The following GHRL variants were observed in gnomAD, a reference collection of about 807,000 sequenced individuals.
The protein encoded by GHRL is appetite-regulating hormone.
In GHRL, 24 loss-of-function variants were observed where a neutral mutation model predicts 16.9. The observed-to-expected ratio is 1.42, with a 90% CI of 1.03 to 2.00. The LOEUF (loss-of-function observed/expected upper bound fraction) is 2.00, where lower values mean the gene tolerates loss of function less well. Among genes scored for constraint, GHRL ranks in the 30% most tolerant of loss-of-function variants. The pLI is 0.00. For missense variants in GHRL, 193 were observed against 142.1 expected (o/e 1.36, Z -1.82); for synonymous variants, 63 against 58.2 (o/e 1.08, Z -0.37).
At chr3:10,286,383 G>T (rs891349561) in intron 5 of GHRL, among the ~76,000 whole-genome samples, 1 of 152,184 alleles carries the variant, frequency 6.6e-6, no homozygotes, top group Non-Finnish European at 1.5e-5. Context: ...AGTGAAGACG[G>T]TGTAACACCA....
chr3:10,285,933 C>T (rs374584866), intron 5 of GHRL, 39 bp from the exon 6 acceptor site: 4 of 1,595,756 alleles, frequency 2.5e-6, no homozygotes, highest in East Asian at 2.2e-5. Context: ...CTGGGTGCAC[C>T]GTCCTGCTAG....
rs376322935 is a variant in GHRL at position 10,286,781 on chromosome 3, A to G, written c.257T>C (p.Leu86Pro). The change falls in exon 5 of 6, where the codon CTG becomes CCG. Residue 86 changes from leucine (L) to proline (P), a missense_variant. Transcript: ENST00000335542. ...FNAPFDVGIK[L>P]SGVQYQQHSQ... ...GTGCTGCTGGTACTGAACCCCTGAC[A>G]GCTTGATTCCAACATCAAAGGGGGC... 29 of 1,612,894 alleles carry G rather than the reference A, an allele frequency of 1.8e-5. No homozygotes were observed. The highest frequency in any genetic ancestry group is 1.7e-6 in the Non-Finnish European group (2 of 1,178,982).
chr3:10,286,535 C>CT (rs1699093728), intron 5 of GHRL, among the ~76,000 whole-genome samples, 169 bp downstream of exon 5: 2 of 152,242 alleles, frequency 1.3e-5, no homozygotes, highest in South Asian at 4.1e-4. Flanking sequence ...GAACTCCCTT[C>CT]TGAGCCACTC....
intron 4 of GHRL, among the ~76,000 whole-genome samples, chr3:10,288,437 A>G (rs1361578420): frequency 6.6e-6 from 1 of 152,174 alleles, no homozygotes; most frequent in African/African-American, 2.4e-5. Context: ...AGAAACTGCA[A>G]AGTTCCCGCT....
At chr3:10,290,650 G>A (rs547138035) in intron 2 of GHRL, 66 bp downstream of exon 2, 83 of 835,532 alleles carry the variant, frequency 9.9e-5, no homozygotes, top group African/African-American at 1.8e-4. Flanking sequence ...GAGGTTAAAC[G>A]GACGGGCAGC....
intron 4 of GHRL, among the ~76,000 whole-genome samples, chr3:10,288,436 A>G (rs1160597103): frequency 2.0e-5 from 3 of 152,212 alleles, no homozygotes; most frequent in South Asian, 2.1e-4. Flanking sequence ...CAGAAACTGC[A>G]AAGTTCCCGC....
chr3:10,289,153 G>C (rs2125207362), intron 4 of GHRL, among the ~76,000 whole-genome samples: 1 of 152,328 alleles, frequency 6.6e-6, no homozygotes, highest in East Asian at 1.9e-4. Context: ...GCCACAGGAA[G>C]GTTGCATAGA....
chr3:10,291,292 G>A lies in GHRL; in HGVS notation c.-606C>T, dbSNP rs975594048. On this transcript the variant is annotated 5_prime_UTR_variant, in exon 2 of 6. Coordinates refer to ENST00000335542, the MANE Select transcript of GHRL (RefSeq NM_016362.5). The stretch of plus-strand genomic sequence containing the variant: ...CATCCTCTCCAGAGAGTGGGTGTGG[G>A]GATAACTTCAGCCAGTGGCTATGCT... 17 of 985,352 alleles carry A rather than the reference G, an allele frequency of 1.7e-5. No individual in the cohort carries two copies. The East Asian group carries it at 1.7e-3, about 99-fold the overall frequency. The allele number at this position is 985,352 out of a possible 1,614,324, so 61.0% of individuals were successfully genotyped here.
At position 10,291,234 on chromosome 3, in the gene GHRL, T is replaced by TC. The variant is rs1699966756; in HGVS notation, c.-549dup. On this transcript the variant is annotated 5_prime_UTR_variant, in exon 2 of 6. It removes the in-frame stop codon of an upstream open reading frame in the 5' UTR. Coordinates refer to ENST00000335542, the MANE Select transcript of GHRL (RefSeq NM_016362.5). ...GATTCTACACCTTCCCGAGGAGGAG[T>TC]CCCACCTCCCGGTTGAGCAGACTGC... 11 of 985,218 alleles carry TC rather than the reference T, an allele frequency of 1.1e-5. No individual in the cohort carries two copies. Among genetic ancestry groups the TC allele is most frequent in the Non-Finnish European group, 1.3e-5 (11 of 829,910 alleles). 61.0% of individuals were successfully genotyped at this position (985,218 alleles called of 1,614,324 possible). A position where few individuals can be genotyped will look rare whatever the true frequency, so the allele number is the denominator to read the frequency against.
chr3:10,287,088 GC>G (rs554742997), intron 4 of GHRL: 118 of 279,070 alleles, frequency 4.2e-4, no homozygotes, highest in African/African-American at 2.3e-3. Flanking sequence ...AAGCTGTGGT[GC>G]CCCCTAGTGT....
rs527288959 is a variant in GHRL, at chr3:10,291,299, T to C, written c.-613A>G. The C allele has an allele frequency of 5.1e-6, 5 of 985,494 alleles. No individual in the cohort carries two copies. The East Asian group carries it at 5.7e-4, about 112-fold the overall frequency. The allele number at this position is 985,494 out of a possible 1,614,324, so 61.0% of individuals were successfully genotyped here. On this transcript the variant is annotated 5_prime_UTR_variant, in exon 2 of 6. Coordinates refer to ENST00000335542, the MANE Select transcript of GHRL (RefSeq NM_016362.5). ...TCCAGAGAGTGGGTGTGGGGATAAC[T>C]TCAGCCAGTGGCTATGCTTCAGTCA... is the stretch of plus-strand genomic sequence containing the variant.
rs1699986563 is a variant in GHRL, at chr3:10,291,352, G to A, written c.-666C>T. 2.0e-6 allele frequency: 2 copies of A among 985,538 alleles called. No individual in the cohort carries two copies. The highest frequency in any genetic ancestry group is 2.4e-6 in the Non-Finnish European group (2 of 830,008). The allele number at this position is 985,538 out of a possible 1,614,324, so 61.0% of individuals were successfully genotyped here. On this transcript the variant is annotated 5_prime_UTR_variant, in exon 2 of 6. The change creates a premature stop within an existing upstream ORF in the 5' untranslated region. Coordinates refer to ENST00000335542, the MANE Select transcript of GHRL (RefSeq NM_016362.5). ...TCTGCCAGGTGTGACATGACTGCCT[G>A]GCCTGGCGTTTTTTCACATAGCAGC...
chr3:10,290,416 G>C, intron 2 of GHRL: 1 of 536,138 alleles, frequency 1.9e-6, no homozygotes. Flanking sequence ...CAGAACACCT[G>C]GCAGCAGGAC....
intron 5 of GHRL, among the ~76,000 whole-genome samples, chr3:10,286,500 A>AT (rs1371411011): frequency 6.6e-6 from 1 of 152,270 alleles, no homozygotes; most frequent in African/African-American, 2.4e-5. Context: ...TTCTTAGAAC[A>AT]TTCTTTGAAC....
rs576925982 is a variant in GHRL, at chr3:10,290,591, CAG to C, written c.-30+123_-30+124del. On this transcript the variant is annotated intron_variant, in intron 2 of 5. Transcript: ENST00000335542. ...CCTAAATGAAGCTCTGTCTTCCAGC[CAG>C]ACAGTCCGACATCCCCCGTGTTTAG... 37 of 330,728 alleles carry C rather than the reference CAG, an allele frequency of 1.1e-4. No homozygotes were observed. The East Asian group carries it at 3.6e-3, about 32-fold the overall frequency. The allele number at this position is 330,728 out of a possible 1,614,324, so 20.5% of individuals were successfully genotyped here.
chr3:10,286,956 A>G (rs372470521), intron 4 of GHRL, 144 bp from the exon 5 acceptor site: 58 of 586,328 alleles, frequency 9.9e-5, no homozygotes, highest in East Asian at 7.8e-4. Context: ...GCTGAGTGAC[A>G]CCTCAGCCAG....
At chr3:10,290,431 T>TA (rs137923291) in intron 2 of GHRL, 433 of 504,522 alleles carry the variant, frequency 8.6e-4, no homozygotes, top group African/African-American at 7.8e-3. Flanking sequence ...CAGGACTTGA[T>TA]AGGGGCTGGG....
At chr3:10,288,197 C>G (rs1699376703) in intron 4 of GHRL, 1 of 152,054 alleles carries the variant, frequency 6.6e-6, no homozygotes, top group South Asian at 2.1e-4. Context: ...ACTTGGTCTC[C>G]AAAGTCTTCT....
At position 10,290,135 on chromosome 3, in the gene GHRL, G is replaced by A. The variant is rs1275495087; in HGVS notation, c.46C>T (p.Leu16Phe). 1 of 1,613,386 alleles carries A rather than the reference G, an allele frequency of 6.2e-7. No individual in the cohort carries two copies. The highest frequency in any genetic ancestry group is 1.7e-5 in the Admixed American group (1 of 59,976). The change falls in exon 3 of 6, where the codon CTC becomes TTC. Residue 16 changes from leucine (L) to phenylalanine (F), a missense_variant. By Grantham distance (22) the Leu-to-Phe change is conservative (BLOSUM62 0). Coordinates refer to ENST00000335542, the MANE Select transcript of GHRL (RefSeq NM_016362.5). The stretch of plus-strand genomic sequence containing the variant: ...CCTGCCATGGCCAAGTCCAGCCAGA[G>A]CATGCCGAGGAGCAGGAGGCTGCAG... Reference protein sequence around the residue: ...TVCSLLLLGMLWLDLAMAGSS... With the variant: ...TVCSLLLLGMFWLDLAMAGSS...
Sources: allele counts gnomAD v4.1 joint callset (sites outside exome capture counted in the v4.1 genomes callset), GRCh38; gene constraint gnomAD v4.1.1; transcripts MANE v1.5; gene names NCBI Gene and HGNC (gene_info 2026-07-23, HGNC 2026-07-21).